The following TBX15 variants were observed in gnomAD, a reference collection of about 807,000 sequenced individuals.
TBX15 encodes T-box transcription factor 15.
Under a neutral mutation model 53.9 loss-of-function variants are expected in TBX15, and 18 were observed. The observed-to-expected ratio is 0.33, with a 90% confidence interval of 0.23 to 0.49. The LOEUF is 0.49. Among genes scored for constraint, TBX15 ranks in the 20% least tolerant of loss-of-function variants. TBX15 has a pLI of 0.98. For synonymous variants in TBX15, 295 were observed against 278.0 expected, an observed-to-expected ratio of 1.06 and a Z score of -0.61; for missense variants, 692 against 749.5, an observed-to-expected ratio of 0.92 and a Z score of 0.90.
chr1:118,980,116 GATCTGAA>G (rs1053660053), intron 1 of TBX15, among the ~76,000 whole-genome samples: 26 of 152,246 alleles, frequency 1.7e-4, no homozygotes, highest in African/African-American at 6.0e-4. Context: ...GGCGAAACGG[GATCTGAA>G]ATTCTTGGAG....
rs1020894518 is a variant in TBX15, at chr1:118,913,179, A to G, written c.926+936T>C. ...GAAAATTCTTACAGACAGAATACCA[A>G]AGATAACCCCTGGTAATCTGTCATT... On this transcript the variant is annotated intron_variant, in intron 6 of 7. Coordinates refer to ENST00000369429, the MANE Select transcript of TBX15 (RefSeq NM_001330677.2). Among the ~76,000 whole-genome samples the G allele has an allele frequency of 3.3e-5, 5 of 152,156 alleles. No homozygotes were observed. In the South Asian group the frequency reaches 1.0e-3, roughly 32 times the overall value.
Position 118,931,726 on chromosome 1 carries a change from A to G in TBX15, c.312T>C (p.Pro104=), listed in dbSNP as rs759878559. The change falls in exon 2 of 8, where the codon CCT becomes CCC. Residue 104 remains proline (P), a synonymous_variant. Transcript: ENST00000369429. ...DLASGAAGPV[P]AAMSSMEEIQ... is the part of the protein sequence containing the mutation. ...TCTCCTCCATGGAAGACATGGCAGC[A>G]GGCACAGGGCCTGCAGCACCAGAGG... 2 of 1,614,066 alleles carry G rather than the reference A, an allele frequency of 1.2e-6. No homozygotes were observed. The highest frequency in any genetic ancestry group is 3.3e-5 in the Admixed American group (2 of 60,024).
intron 1 of TBX15, among the ~76,000 whole-genome samples, chr1:118,961,449 G>A (rs2101679584): frequency 6.6e-6 from 1 of 152,222 alleles, no homozygotes; most frequent in East Asian, 1.9e-4. Flanking sequence ...ATCTTCCTTG[G>A]GGAGAAGGAG....
intron 6 of TBX15, chr1:118,901,262 C>T (rs927307579): frequency 4.5e-6 from 2 of 440,532 alleles, no homozygotes; most frequent in Admixed American, 2.4e-5. Context: ...CTGAGTCATA[C>T]ATGGTGAAAG....
intron 7 of TBX15, among the ~76,000 whole-genome samples, chr1:118,893,803 A>T (rs1654301809): frequency 6.6e-6 from 1 of 152,204 alleles, no homozygotes; most frequent in Non-Finnish European, 1.5e-5. Context: ...CATTGACATT[A>T]GTCCCTATGA....
chr1:118,987,400 T>C (rs946402757), intron 1 of TBX15, among the ~76,000 whole-genome samples, 191 bp downstream of exon 1: 11 of 152,330 alleles, frequency 7.2e-5, no homozygotes, highest in Admixed American at 6.5e-4. Flanking sequence ...AATGCAAGGC[T>C]CAGTCCAGCC....
chr1:118,952,053 C>A (rs998886723), intron 1 of TBX15, among the ~76,000 whole-genome samples: 1 of 152,122 alleles, frequency 6.6e-6, no homozygotes, highest in Non-Finnish European at 1.5e-5. Context: ...CCTGAGACAG[C>A]AAAACCAACC....
At chr1:118,985,949 T>C (rs1170245885) in intron 1 of TBX15, among the ~76,000 whole-genome samples, 1 of 152,148 alleles carries the variant, frequency 6.6e-6, no homozygotes, top group Non-Finnish European at 1.5e-5. Context: ...CAAACTCTGA[T>C]CTGAATCTCT....
intron 1 of TBX15, among the ~76,000 whole-genome samples, chr1:118,978,897 G>A (rs1425107881): frequency 6.6e-6 from 1 of 152,168 alleles, no homozygotes; most frequent in Non-Finnish European, 1.5e-5. Flanking sequence ...TGAACCCAGG[G>A]AAGGCACTGC....
chr1:118,911,589 T>C (rs12033524), intron 6 of TBX15, among the ~76,000 whole-genome samples: 31,196 of 152,140 alleles, frequency 0.21, 3,969 homozygotes, highest in East Asian at 0.54. Context: ...TGCAACAGTC[T>C]AATTCTCAAA....
intron 1 of TBX15, among the ~76,000 whole-genome samples, chr1:118,976,477 G>A (rs1231502302): frequency 2.0e-5 from 3 of 152,080 alleles, no homozygotes; most frequent in African/African-American, 7.2e-5. Flanking sequence ...TGGTTTTTTG[G>A]GGATTTCTGA....
intron 7 of TBX15, among the ~76,000 whole-genome samples, chr1:118,886,199 A>G (rs911759923): frequency 2.0e-5 from 3 of 152,194 alleles, no homozygotes; most frequent in African/African-American, 4.8e-5. Context: ...AAACAAAATC[A>G]TTATGAACCA....
rs542551582 is a variant in TBX15 at position 118,987,699 on chromosome 1, G to T, written c.97C>A (p.Arg33=). ...TCCAGCCCCTTCTCCTCCCAGTCTC[G>T]CAGTTTCCGTTTTTTATTTGAGCCG... ...LIGSNKKRKL[R]DWEEKGLDLS... Residue 33 remains arginine (R), a synonymous_variant, in exon 1 of 8, where the codon CGA becomes AGA. Coordinates refer to ENST00000369429, the MANE Select transcript of TBX15 (RefSeq NM_001330677.2). The T allele has an allele frequency of 1.6e-4, 251 of 1,550,390 alleles. No individual in the cohort carries two copies. The Middle Eastern group carries it at 4.5e-3, about 28-fold the overall frequency.
intron 5 of TBX15, among the ~76,000 whole-genome samples, chr1:118,920,927 C>A (rs564634074): frequency 2.0e-5 from 3 of 152,258 alleles, no homozygotes; most frequent in African/African-American, 7.2e-5. Flanking sequence ...ATAACCCCAA[C>A]ACTTTGGGAG....
chr1:118,912,768 G>C (rs192873488), intron 6 of TBX15, among the ~76,000 whole-genome samples: 1 of 152,100 alleles, frequency 6.6e-6, no homozygotes, highest in East Asian at 1.9e-4. Flanking sequence ...TGAAAATGAC[G>C]GCCTTTGTCT....
chr1:118,910,542 T>C (rs1654996720), intron 6 of TBX15, among the ~76,000 whole-genome samples: 1 of 152,176 alleles, frequency 6.6e-6, no homozygotes, highest in South Asian at 2.1e-4. Context: ...TAATTCTCTG[T>C]ATCCTCATCT....
At chr1:118,903,757 A>T (rs1449122844) in intron 6 of TBX15, among the ~76,000 whole-genome samples, 2 of 152,204 alleles carry the variant, frequency 1.3e-5, no homozygotes, top group African/African-American at 4.8e-5. Context: ...AAATATAAAG[A>T]CAGAAAAGAC....
At chr1:118,915,995 T>A (rs1315234952) in intron 5 of TBX15, among the ~76,000 whole-genome samples, 1 of 152,244 alleles carries the variant, frequency 6.6e-6, no homozygotes, top group Admixed American at 6.5e-5. Flanking sequence ...TACACTTGTT[T>A]TAAAGCTTTT....
At chr1:118,957,518 C>T (rs895943033) in intron 1 of TBX15, among the ~76,000 whole-genome samples, 6 of 152,254 alleles carry the variant, frequency 3.9e-5, no homozygotes, top group African/African-American at 1.4e-4. Context: ...ATGTGCACAA[C>T]GTGCAGGTTA....
Sources: gnomAD v4.1 joint callset for allele counts (sites outside exome capture counted in the v4.1 genomes callset) on GRCh38, gnomAD v4.1.1 for gene constraint, MANE v1.5 for transcripts, NCBI Gene and HGNC (gene_info 2026-07-23, HGNC 2026-07-21) for gene names.